The following IGF1R variants were observed in gnomAD, a reference collection of about 807,000 sequenced individuals.
The protein encoded by IGF1R is insulin like growth factor 1 receptor, also known as insulin-like growth factor 1 receptor.
IGF1R carries 44 observed loss-of-function variants against 144.6 expected under a neutral mutation model. The observed-to-expected ratio is 0.30, with a 90% CI of 0.24 to 0.39. The LOEUF (loss-of-function observed/expected upper bound fraction) is 0.39, where lower values mean the gene tolerates loss of function less well. Ranked by LOEUF, IGF1R falls within the 10% of genes least tolerant of loss-of-function variation. IGF1R has a pLI of 1.00. For synonymous variants in IGF1R, 795 were observed against 722.8 expected, an observed-to-expected ratio of 1.10 and a Z score of -1.60; for missense variants, 1,355 against 1,833.7, an observed-to-expected ratio of 0.74 and a Z score of 4.77.
intron 2 of IGF1R, among the ~76,000 whole-genome samples, chr15:98,741,312 A>G (rs2054738249): frequency 9.0e-6 from 1 of 111,068 alleles, no homozygotes; most frequent in Admixed American, 1.2e-4. Flanking sequence ...TTTAGTTTGT[A>G]TCACTTCCAG....
intron 2 of IGF1R, among the ~76,000 whole-genome samples, chr15:98,753,230 CTT>C (rs35184573): frequency 7.6e-5 from 11 of 143,906 alleles, no homozygotes; most frequent in African/African-American, 7.7e-5. Flanking sequence ...TACGTCCAGC[CTT>C]TTTTTTTTTT....
At chr15:98,719,215 T>G (rs910480251) in intron 2 of IGF1R, among the ~76,000 whole-genome samples, 1 of 152,128 alleles carries the variant, frequency 6.6e-6, no homozygotes. Flanking sequence ...ACTGAGTGTG[T>G]TTTTCCACTC....
At chr15:98,738,616 T>C (rs1443746573) in intron 2 of IGF1R, among the ~76,000 whole-genome samples, 1 of 152,226 alleles carries the variant, frequency 6.6e-6, no homozygotes, top group Non-Finnish European at 1.5e-5. Flanking sequence ...GAGGCTCAGA[T>C]TCCCCCCCAT....
In IGF1R at chr15:98,704,056, T is replaced by A. The variant is rs1240511670; in HGVS notation, c.95-3506T>A. Among the ~76,000 whole-genome samples the A allele has an allele frequency of 8.6e-5, 2 of 23,288 alleles. No homozygotes were observed. Among genetic ancestry groups the A allele is most frequent in the Non-Finnish European group, 2.1e-4 (2 of 9,474 alleles). The allele number at this position is 23,288 out of a possible 152,430, so 15.3% of individuals were successfully genotyped here. ...CACACGACACACAGTTAATTTAGTG[T>A]CCCCAGGGGAAAAAAGACCCTCCCG... On this transcript the variant is annotated intron_variant, in intron 1 of 20. Coordinates refer to ENST00000650285, the MANE Select transcript of IGF1R (RefSeq NM_000875.5). This position sits in a 1 kb window ranked among gnomAD's most constrained non-coding sequence, Gnocchi z 4.9.
chr15:98,916,055 C>T lies in IGF1R; in HGVS notation c.1920C>T (p.Asn640=), dbSNP rs150732559. 6.2e-7 allele frequency: 1 copy of T among 1,614,206 alleles called. No homozygotes were observed. The highest frequency in any genetic ancestry group is 1.3e-5 in the African/African-American group (1 of 75,056). Residue 640 remains asparagine (N), a synonymous_variant, in exon 9 of 21, where the codon AAC becomes AAT. Transcript: ENST00000650285. ...KWNPPSLPNG[N]LSYYIVRWQR... is the part of the protein sequence containing the mutation. The stretch of plus-strand genomic sequence containing the variant: ...ACCCTCCCTCTCTGCCCAACGGCAA[C>T]CTGAGTTACTACATTGTGCGCTGGC...
At chr15:98,874,780 A>G (rs2012969241) in intron 2 of IGF1R, among the ~76,000 whole-genome samples, 1 of 152,236 alleles carries the variant, frequency 6.6e-6, no homozygotes, top group African/African-American at 2.4e-5. Context: ...GTGAAGCAGA[A>G]CAAACTGATA....
At chr15:98,849,563 T>C (rs1343879489) in intron 2 of IGF1R, among the ~76,000 whole-genome samples, 3 of 152,120 alleles carry the variant, frequency 2.0e-5, no homozygotes, top group Non-Finnish European at 2.9e-5. Context: ...TTCATAAAAA[T>C]TGAATTTAAA....
intron 2 of IGF1R, among the ~76,000 whole-genome samples, chr15:98,801,964 A>G (rs2056373627): frequency 1.3e-5 from 2 of 152,146 alleles, no homozygotes; most frequent in African/African-American, 4.8e-5. Flanking sequence ...ATGTCCCAGC[A>G]AGGGCATAGG....
chr15:98,870,316 C>T (rs1209806069), intron 2 of IGF1R, among the ~76,000 whole-genome samples: 3 of 152,226 alleles, frequency 2.0e-5, no homozygotes, highest in Admixed American at 6.5e-5. Flanking sequence ...TGATTGTAAA[C>T]ACGATCAGTG....
At chr15:98,785,429 CT>C (rs2141403445) in intron 2 of IGF1R, among the ~76,000 whole-genome samples, 1 of 152,208 alleles carries the variant, frequency 6.6e-6, no homozygotes. Flanking sequence ...GTAATAGAAT[CT>C]CTAGAAAACA....
intron 2 of IGF1R, among the ~76,000 whole-genome samples, chr15:98,816,211 C>A (rs1348025651): frequency 6.6e-6 from 1 of 152,198 alleles, no homozygotes; most frequent in Non-Finnish European, 1.5e-5. Context: ...TTTGAGGTTC[C>A]AGCAGCCAGC....
chr15:98,827,337 G>C (rs2056913215), intron 2 of IGF1R, among the ~76,000 whole-genome samples: 1 of 152,188 alleles, frequency 6.6e-6, no homozygotes, highest in Non-Finnish European at 1.5e-5. Context: ...CATGCCGTTT[G>C]AATGTATACC....
At chr15:98,770,436 T>G (rs149889793) in intron 2 of IGF1R, among the ~76,000 whole-genome samples, 4 of 152,340 alleles carry the variant, frequency 2.6e-5, no homozygotes, top group African/African-American at 9.6e-5. Flanking sequence ...AGTAATTTAC[T>G]GTATATTTCC....
At chr15:98,804,824 A>G (rs1411078786) in intron 2 of IGF1R, among the ~76,000 whole-genome samples, 2 of 152,174 alleles carry the variant, frequency 1.3e-5, no homozygotes, top group Non-Finnish European at 2.9e-5. Context: ...CCTCCCGAGT[A>G]GCTGGAACTG....
intron 2 of IGF1R, among the ~76,000 whole-genome samples, chr15:98,722,876 C>T (rs2054276449): frequency 6.6e-6 from 1 of 152,044 alleles, no homozygotes; most frequent in African/African-American, 2.4e-5. Context: ...GGAGGATTCT[C>T]AGTGGAATCA....
At chr15:98,947,872 TG>T (rs986018791) in intron 19 of IGF1R, among the ~76,000 whole-genome samples, 3 of 152,066 alleles carry the variant, frequency 2.0e-5, no homozygotes, top group African/African-American at 7.2e-5. Flanking sequence ...CTGTTGTGGG[TG>T]GGGGAGCAGC....
At chr15:98,919,541 T>C (rs548464977) in intron 10 of IGF1R, among the ~76,000 whole-genome samples, 1 of 152,330 alleles carries the variant, frequency 6.6e-6, no homozygotes, top group East Asian at 1.9e-4. Flanking sequence ...AAGGCAGAGC[T>C]GTGATTGACA....
chr15:98,745,569 C>T (rs558707370), intron 2 of IGF1R, among the ~76,000 whole-genome samples: 90 of 152,292 alleles, frequency 5.9e-4, no homozygotes, highest in African/African-American at 2.1e-3. Context: ...GAACAGGACA[C>T]CTCTGTGGTT....
intron 1 of IGF1R, among the ~76,000 whole-genome samples, chr15:98,682,590 C>A (rs1245672156): frequency 1.3e-5 from 2 of 152,126 alleles, no homozygotes; most frequent in African/African-American, 4.8e-5. Context: ...CTCTGTCATC[C>A]AGGCTGGAGT....
Sources: gnomAD v4.1 joint callset for allele counts (sites outside exome capture counted in the v4.1 genomes callset) on GRCh38, gnomAD v4.1.1 for gene constraint, Gnocchi (gnomAD v3.1) non-coding constraint, MANE v1.5 for transcripts, NCBI Gene and HGNC (gene_info 2026-07-23, HGNC 2026-07-21) for gene names.